ASCC3: variants seen among roughly 807,000 people sequenced by gnomAD.
ASCC3 encodes the protein ASC-1 complex subunit P200.
Under a neutral mutation model 256.3 loss-of-function variants are expected in ASCC3, and 158 were observed. The observed-to-expected ratio is 0.62, with a 90% CI of 0.54 to 0.70. The LOEUF (loss-of-function observed/expected upper bound fraction) is 0.70. Among genes scored for constraint, ASCC3 ranks in the 30% least tolerant of loss-of-function variants. The pLI is 0.00. For synonymous variants in ASCC3, 948 were observed against 883.4 expected, an observed-to-expected ratio of 1.07 and a Z score of -1.30; for missense variants, 2,259 against 2,626.0, an observed-to-expected ratio of 0.86 and a Z score of 3.05.
At chr6:100,593,905 A>C (rs974473821) in intron 34 of ASCC3, among the ~76,000 whole-genome samples, 1 of 152,116 alleles carries the variant, frequency 6.6e-6, no homozygotes, top group African/African-American at 2.4e-5. Flanking sequence ...GCACCAGTAC[A>C]TGTGTTTATA....
At chr6:100,744,932 G>C (rs1780593967) in intron 10 of ASCC3, among the ~76,000 whole-genome samples, 2 of 152,184 alleles carry the variant, frequency 1.3e-5, no homozygotes, top group African/African-American at 4.8e-5. Context: ...CTAAAGCCAA[G>C]AGACTGTAAG....
chr6:100,809,125 T>C (rs1000485944), intron 4 of ASCC3, among the ~76,000 whole-genome samples: 116 of 151,924 alleles, frequency 7.6e-4, no homozygotes, highest in Admixed American at 7.5e-3. Flanking sequence ...TGTACTACCG[T>C]AGACTTTATA....
At chr6:100,652,928 A>C (rs760326603) in intron 17 of ASCC3, 39 bp from the exon 18 acceptor site, 2 of 1,572,498 alleles carry the variant, frequency 1.3e-6, no homozygotes, top group Non-Finnish European at 1.7e-6. Context: ...ATAGTGCTTT[A>C]GAGAGTAACC....
rs753621868 is a variant in ASCC3, at chr6:100,800,506, T to TA, written c.923-3dup. 1 of 1,593,700 alleles carries TA rather than the reference T, an allele frequency of 6.3e-7. No individual in the cohort carries two copies. Among genetic ancestry groups the TA allele is most frequent in the Admixed American group, 1.7e-5 (1 of 59,298 alleles). ...CTCCTAAAATTTTTTTACAATTGTC[T>TA]AAGAAGCAAATTTAAGAAACACAAT... On this transcript the variant is annotated splice_polypyrimidine_tract_variant and splice_region_variant and intron_variant, in intron 5 of 41. Coordinates refer to ENST00000369162, the MANE Select transcript of ASCC3 (RefSeq NM_006828.4).
At chr6:100,747,005 C>T (rs758244159) in intron 10 of ASCC3, among the ~76,000 whole-genome samples, 8 of 152,004 alleles carry the variant, frequency 5.3e-5, no homozygotes, top group Non-Finnish European at 8.8e-5. Context: ...TTGCAAAACA[C>T]GTATCCAACA....
chr6:100,850,059 C>T (rs2114508761), intron 3 of ASCC3, among the ~76,000 whole-genome samples: 1 of 133,424 alleles, frequency 7.5e-6, no homozygotes, highest in South Asian at 2.4e-4. Context: ...GAGATAGCAT[C>T]GCTGTACTCC....
At chr6:100,621,187 A>C (rs1471693571) in intron 30 of ASCC3, among the ~76,000 whole-genome samples, 2 of 152,204 alleles carry the variant, frequency 1.3e-5, no homozygotes, top group Non-Finnish European at 2.9e-5. Context: ...TTGCAGGGGC[A>C]TGGATGGAGC....
intron 14 of ASCC3, among the ~76,000 whole-genome samples, chr6:100,666,278 T>C (rs1452869819): frequency 6.6e-6 from 1 of 152,330 alleles, no homozygotes; most frequent in African/African-American, 2.4e-5. Flanking sequence ...AGAACATTTA[T>C]AAACATTCAT....
At chr6:100,623,931 A>G (rs1235564031) in intron 30 of ASCC3, among the ~76,000 whole-genome samples, 1 of 151,782 alleles carries the variant, frequency 6.6e-6, no homozygotes, top group Non-Finnish European at 1.5e-5. Flanking sequence ...ACACATGGAC[A>G]CAGGAAGGGG....
At chr6:100,522,951 C>T (rs769788246) in intron 37 of ASCC3, among the ~76,000 whole-genome samples, 5 of 147,374 alleles carry the variant, frequency 3.4e-5, no homozygotes, top group Admixed American at 6.9e-5. Context: ...GGTGTGTAGA[C>T]TTTGCATGGG....
At position 100,868,035 on chromosome 6, in the gene ASCC3, G is replaced by A; in HGVS notation, c.-38C>T. The A allele has an allele frequency of 6.9e-7, 1 of 1,450,664 alleles. No homozygotes were observed. Among genetic ancestry groups the A allele is most frequent in the Non-Finnish European group, 9.7e-7 (1 of 1,033,442 alleles). 89.9% of individuals were successfully genotyped at this position (1,450,664 alleles called of 1,614,324 possible). On this transcript the variant is annotated 5_prime_UTR_variant, in exon 2 of 42. Coordinates refer to ENST00000369162, the MANE Select transcript of ASCC3 (RefSeq NM_006828.4). ...CAGTGATCCATACAGCAAGAAACCT[G>A]AAACTGAAACAAAACAAGATGATAT...
intron 13 of ASCC3, among the ~76,000 whole-genome samples, chr6:100,691,895 G>A (rs982477879): frequency 2.0e-5 from 3 of 151,100 alleles, no homozygotes; most frequent in Non-Finnish European, 4.4e-5. Flanking sequence ...AAGTTCACCC[G>A]CACTTCAATT....
At chr6:100,633,412 C>T (rs1219511180) in intron 25 of ASCC3, among the ~76,000 whole-genome samples, 1 of 151,962 alleles carries the variant, frequency 6.6e-6, no homozygotes, top group African/African-American at 2.4e-5. Context: ...AGTAGTGATA[C>T]TGGCAACTCG....
rs1235888974 is a variant in ASCC3 at position 100,803,845 on chromosome 6, G to A, written c.922+1915C>T. On this transcript the variant is annotated intron_variant, in intron 5 of 41. Coordinates refer to ENST00000369162, the MANE Select transcript of ASCC3 (RefSeq NM_006828.4). ...ATCATAAATGTAAGAAAATGAGGAC[G>A]TAACTTACAAGAAGGATAGATGTTG... 3.9e-5 allele frequency among the ~76,000 whole-genome samples: 6 copies of A among 152,134 alleles called. No homozygotes were observed. The South Asian group carries it at 6.2e-4, about 16-fold the overall frequency.
intron 36 of ASCC3, among the ~76,000 whole-genome samples, chr6:100,556,684 G>A (rs1228764264): frequency 1.3e-5 from 2 of 152,010 alleles, no homozygotes; most frequent in African/African-American, 2.4e-5. Flanking sequence ...TGATGCAAAC[G>A]GTGGTTTAAA....
chr6:100,607,992 C>A (rs1327903348), intron 30 of ASCC3, among the ~76,000 whole-genome samples: 1 of 140,132 alleles, frequency 7.1e-6, no homozygotes, highest in African/African-American at 2.6e-5. Context: ...ACGATATTAA[C>A]CCCTTGTCCA....
At position 100,767,301 on chromosome 6, in the gene ASCC3, G is replaced by T; in HGVS notation, c.1440C>A (p.Ile480=). Residue 480 remains isoleucine (I), a synonymous_variant, in exon 9 of 42, where the codon ATC becomes ATA. Coordinates refer to ENST00000369162, the MANE Select transcript of ASCC3 (RefSeq NM_006828.4). ...AGGCAGTCTCAAACACTATTGACTGGATTCTATTGAGTCTCTTCATTCCTT... is the reference window on the plus strand; with the variant it reads ...AGGCAGTCTCAAACACTATTGACTGTATTCTATTGAGTCTCTTCATTCCTT... ...AFKGMKRLNR[I]QSIVFETAYN... is the part of the protein sequence containing the mutation. 1 of 1,613,856 alleles carries T rather than the reference G, an allele frequency of 6.2e-7. No individual in the cohort carries two copies. The highest frequency in any genetic ancestry group is 8.5e-7 in the Non-Finnish European group (1 of 1,179,974).
chr6:100,530,745 T>G lies in ASCC3; in HGVS notation c.5775+9418A>C, dbSNP rs1351159127. The G allele has an allele frequency of 7.3e-6, 7 of 962,000 alleles. No homozygotes were observed. The African/African-American group carries it at 1.1e-4, about 15-fold the overall frequency. The allele number at this position is 962,000 out of a possible 1,614,324, so 59.6% of individuals were successfully genotyped here. ...GAAAGAACCAGGACAATTTAAGGAT[T>G]TTTACCAGTTTACTTTTAATTTTGC... On this transcript the variant is annotated intron_variant, in intron 37 of 41. Coordinates refer to ENST00000369162, the MANE Select transcript of ASCC3 (RefSeq NM_006828.4).
At chr6:100,741,577 T>TA (rs1780438165) in intron 10 of ASCC3, among the ~76,000 whole-genome samples, 1 of 152,182 alleles carries the variant, frequency 6.6e-6, no homozygotes, top group African/African-American at 2.4e-5. Context: ...TTTGATCACT[T>TA]ATTTTCATTC....
Sources: allele counts gnomAD v4.1 joint callset (sites outside exome capture counted in the v4.1 genomes callset), GRCh38; gene constraint gnomAD v4.1.1; transcripts MANE v1.5; gene names NCBI Gene and HGNC (gene_info 2026-07-23, HGNC 2026-07-21).